HNF4A: variants seen among roughly 807,000 people sequenced by gnomAD.
HNF4A encodes hepatocyte nuclear factor 4 alpha.
In HNF4A, 15 loss-of-function variants were observed where a neutral mutation model predicts 52.4. The ratio of observed to expected loss-of-function variants is 0.29; its 90% CI spans 0.19 to 0.44. The LOEUF is 0.44. HNF4A is among the 20% of genes least tolerant of loss of function. The pLI, the probability that HNF4A is intolerant of heterozygous loss-of-function variation, is 1.00. For missense variants in HNF4A, 479 were observed against 647.2 expected, an observed-to-expected ratio of 0.74 and a Z score of 2.82; for synonymous variants, 280 against 264.4, an observed-to-expected ratio of 1.06 and a Z score of -0.57.
intron 6 of HNF4A, 40 bp downstream of exon 6, chr20:44,418,552 G>A (rs759052426): frequency 1.4e-6 from 2 of 1,480,930 alleles, no homozygotes; most frequent in East Asian, 2.3e-5. Context: ...TCCAGGGAGG[G>A]TATGCCTAGC....
intron 1 of HNF4A, among the ~76,000 whole-genome samples, chr20:44,402,169 C>A (rs8116574): frequency 0.11 from 17,067 of 151,938 alleles, 1,204 homozygotes; most frequent in East Asian, 0.16. Flanking sequence ...GGTCTATTTT[C>A]CTTTGTATTC....
At chr20:44,399,176 G>A (rs985487131), upstream of HNF4A, among the ~76,000 whole-genome samples, 7 of 152,142 alleles carry the variant, frequency 4.6e-5, no homozygotes, top group Admixed American at 2.6e-4. Context: ...GGAACCCGCC[G>A]GTATTTGGTC....
intron 8 of HNF4A, among the ~76,000 whole-genome samples, chr20:44,425,433 G>GAAGAGCCC (rs1568742654): frequency 6.6e-6 from 1 of 152,210 alleles, no homozygotes; most frequent in African/African-American, 2.4e-5. Flanking sequence ...CTATTTGGAG[G>GAAGAGCCC]AAGAGCCCAC....
At chr20:44,359,714 C>T (rs2062896687) in intron 1 of HNF4A, among the ~76,000 whole-genome samples, 1 of 152,136 alleles carries the variant, frequency 6.6e-6, no homozygotes, top group Non-Finnish European at 1.5e-5. Flanking sequence ...ACATCTCTTC[C>T]CATCAGTTTT....
chr20:44,425,026 G>C (rs1469669242), intron 8 of HNF4A, among the ~76,000 whole-genome samples: 1 of 152,208 alleles, frequency 6.6e-6, no homozygotes, highest in South Asian at 2.1e-4. Context: ...CAATCATCCA[G>C]GCTGGAGTGC....
At chr20:44,371,667 A>G (rs2063035431) in intron 1 of HNF4A, among the ~76,000 whole-genome samples, 1 of 152,100 alleles carries the variant, frequency 6.6e-6, no homozygotes, top group African/African-American at 2.4e-5. Context: ...TCTACTAAAA[A>G]TGCAAAAATT....
At chr20:44,377,745 T>C (rs1397987142) in intron 1 of HNF4A, 2 of 152,218 alleles carry the variant, frequency 1.3e-5, no homozygotes, top group African/African-American at 4.8e-5. Flanking sequence ...AAAGTGTCTG[T>C]AAATATCCTG....
At position 44,414,261 on chromosome 20, in the gene HNF4A, C is replaced by T. The variant is rs577655068; in HGVS notation, c.493-246C>T. ...TCTAAGGCTGACAGACTCCTTGGGG[C>T]TCTAAAGCTGACAGAGGAGGGGGCA... is the stretch of plus-strand genomic sequence containing the variant. On this transcript the variant is annotated intron_variant, in intron 4 of 9. Transcript: ENST00000316099. 7.2e-5 allele frequency among the ~76,000 whole-genome samples: 11 copies of T among 152,330 alleles called. No homozygotes were observed. The South Asian group carries it at 1.9e-3, about 26-fold the overall frequency.
At chr20:44,372,919 G>A (rs2063048587) in intron 1 of HNF4A, 3 of 152,264 alleles carry the variant, frequency 2.0e-5, no homozygotes, top group Admixed American at 6.5e-5. Flanking sequence ...CTGAGAATTT[G>A]TGCTGCAGTC....
At position 44,424,066 on chromosome 20, in the gene HNF4A, A is replaced by T. The variant is rs771015255; in HGVS notation, c.941A>T (p.Gln314Leu). 6 of 1,613,180 alleles carry T rather than the reference A, an allele frequency of 3.7e-6. No individual in the cohort carries two copies. In the African/African-American group the frequency reaches 8.0e-5, roughly 22 times the overall value. Reference sequence around the variant, plus strand: ...GGGAAGATCAAGCGGCTGCGTTCCCAGGTGCAGGTGAGCTTGGAGGACTAC... The same window carrying T: ...GGGAAGATCAAGCGGCTGCGTTCCCTGGTGCAGGTGAGCTTGGAGGACTAC... The change falls in exon 8 of 10, where the codon CAG becomes CTG. Residue 314 changes from glutamine to leucine, a missense_variant. By Grantham distance (113) the Gln-to-Leu change is moderately radical. Transcript: ENST00000316099.
chr20:44,367,266 C>T (rs1296491556), intron 1 of HNF4A, among the ~76,000 whole-genome samples: 9 of 147,550 alleles, frequency 6.1e-5, no homozygotes, highest in Admixed American at 1.4e-4. Context: ...ACCCAGGAGG[C>T]GGAGGTTGCG....
intron 8 of HNF4A, chr20:44,424,565 G>GTA (rs1377775948): frequency 8.0e-7 from 1 of 1,249,534 alleles, no homozygotes; most frequent in Non-Finnish European, 1.1e-6. Flanking sequence ...GGATATCTGT[G>GTA]TATATGCCCG....
chr20:44,424,278 C>G (rs1031647179), intron 8 of HNF4A, 24 bp downstream of exon 8: 2 of 1,612,346 alleles, frequency 1.2e-6, no homozygotes, highest in Admixed American at 1.7e-5. Context: ...CCAGGAGGGG[C>G]GGGGTTGGAG....
intron 2 of HNF4A, among the ~76,000 whole-genome samples, 179 bp downstream of exon 2, chr20:44,406,411 C>T (rs1319371202): frequency 6.6e-6 from 1 of 152,222 alleles, no homozygotes; most frequent in Non-Finnish European, 1.5e-5. Context: ...CTAGGAACCA[C>T]ATTTACTGAT....
intron 6 of HNF4A, 53 bp from the exon 7 acceptor site, chr20:44,419,668 G>A: frequency 6.3e-7 from 1 of 1,584,346 alleles, no homozygotes; most frequent in Admixed American, 1.7e-5. Flanking sequence ...AACTAGAGGA[G>A]AGGGGTCAAC....
In HNF4A at chr20:44,424,230, C is replaced by A; in HGVS notation, c.1105C>A (p.Leu369Met). The A allele has an allele frequency of 6.2e-7, 1 of 1,614,080 alleles. No homozygotes were observed. The highest frequency in any genetic ancestry group is 8.5e-7 in the Non-Finnish European group (1 of 1,180,004). Residue 369 changes from leucine to methionine, a missense_variant, in exon 8 of 10, where the codon CTG becomes ATG. Coordinates refer to ENST00000316099, the MANE Select transcript of HNF4A (RefSeq NM_000457.6). ...CTTCGGCATGGCCAAGATTGACAAC[C>A]TGTTGCAGGAGATGCTGCTGGGAGG... is the stretch of plus-strand genomic sequence containing the variant.
intron 1 of HNF4A, among the ~76,000 whole-genome samples, chr20:44,361,543 C>T (rs2062916671): frequency 6.6e-6 from 1 of 152,088 alleles, no homozygotes; most frequent in South Asian, 2.1e-4. Flanking sequence ...TGCCTGTAAT[C>T]CCAGCACTTT....
intron 1 of HNF4A, among the ~76,000 whole-genome samples, chr20:44,358,259 A>AAAAAG (rs369160824): frequency 0.16 from 23,384 of 149,804 alleles, 2,209 homozygotes; most frequent in Middle Eastern, 0.26. Context: ...AAAAAAAAAA[A>AAAAAG]AAAGAAAAGA....
intron 1 of HNF4A, among the ~76,000 whole-genome samples, chr20:44,365,873 G>A (rs190801590): frequency 7.8e-4 from 118 of 152,180 alleles, no homozygotes; most frequent in Non-Finnish European, 1.3e-3. Flanking sequence ...TGGGCCTGGT[G>A]GTACACGCCT....
Sources: allele counts gnomAD v4.1 joint callset (sites outside exome capture counted in the v4.1 genomes callset), GRCh38; gene constraint gnomAD v4.1.1; transcripts MANE v1.5; gene names NCBI Gene and HGNC (gene_info 2026-07-23, HGNC 2026-07-21).